Variants in ZNF730 observed in about 807,000 individuals in gnomAD.
ZNF730 encodes zinc finger protein 730, also known as putative zinc finger protein 730.
A neutral mutation model predicts 12.6 loss-of-function variants in ZNF730; 12 were observed. The observed-to-expected ratio is 0.95, with a 90% confidence interval of 0.61 to 1.54. ZNF730 has a LOEUF of 1.54. Among genes scored for constraint, ZNF730 ranks in the 40% most tolerant of loss-of-function variants. The pLI is 0.00. For missense variants in ZNF730, 643 were observed against 583.5 expected, an observed-to-expected ratio of 1.10 and a Z score of -1.05; for synonymous variants, 194 against 195.8, an observed-to-expected ratio of 0.99 and a Z score of 0.08.
chr19:23,125,259 G>A (rs905736482), intron 1 of ZNF730, among the ~76,000 whole-genome samples: 1 of 152,112 alleles, frequency 6.6e-6, no homozygotes, highest in Non-Finnish European at 1.5e-5. Flanking sequence ...GTTACCAGTA[G>A]AGCCGGGCAT....
chr19:23,095,089 T>G (rs1970226146), intron 1 of ZNF730: 2 of 326,592 alleles, frequency 6.1e-6, no homozygotes, highest in Non-Finnish European at 1.1e-5. Flanking sequence ...CCAGAGGGAT[T>G]TGATGCTCCT....
intron 1 of ZNF730, among the ~76,000 whole-genome samples, chr19:23,120,247 G>C (rs1599589405): frequency 6.6e-6 from 1 of 151,988 alleles, no homozygotes; most frequent in Admixed American, 6.6e-5. Flanking sequence ...CTCCCACCTC[G>C]GCTTCCCAAA....
At chr19:23,087,356 C>T (rs527872508) in intron 1 of ZNF730, among the ~76,000 whole-genome samples, 1 of 151,984 alleles carries the variant, frequency 6.6e-6, no homozygotes, top group South Asian at 2.1e-4. Context: ...TGCAGTGAGT[C>T]GAGATCGCAC....
intron 1 of ZNF730, among the ~76,000 whole-genome samples, chr19:23,088,121 CA>C (rs1568301238): frequency 6.6e-6 from 1 of 151,704 alleles, no homozygotes. Context: ...CGGGTTCAAG[CA>C]ATTCTCCCTG....
intron 1 of ZNF730, among the ~76,000 whole-genome samples, chr19:23,081,924 T>C (rs974119368): frequency 2.0e-5 from 3 of 152,140 alleles, no homozygotes; most frequent in African/African-American, 7.2e-5. Context: ...TGTCTATTTA[T>C]TTTTTGTAGA....
At position 23,146,555 on chromosome 19, in the gene ZNF730, A is replaced by C. The variant is rs1472276659; in HGVS notation, c.1511A>C (p.Ter504SerextTer76). 6.3e-7 allele frequency: 1 copy of C among 1,583,492 alleles called. No individual in the cohort carries two copies. Among genetic ancestry groups the C allele is most frequent in the South Asian group, 1.1e-5 (1 of 87,520 alleles). Reference sequence around the variant, plus strand: ...ACTAGGCATAAGACAATTCATACATAAAATTGTAAAGACTGTGGCAAAGCT... The same window carrying C: ...ACTAGGCATAAGACAATTCATACATCAAATTGTAAAGACTGTGGCAAAGCT... The part of the protein sequence containing the change: ...HLTRHKTIHT[*>S] The change falls in exon 4 of 4, where the codon TAA (stop) becomes TCA (serine). Residue 504 changes from the stop codon to serine, a stop_lost. Coordinates refer to ENST00000597761, the MANE Select transcript of ZNF730 (RefSeq NM_001277403.2).
chr19:23,136,569 A>G (rs975135223), intron 3 of ZNF730, among the ~76,000 whole-genome samples: 3 of 152,050 alleles, frequency 2.0e-5, no homozygotes, highest in African/African-American at 7.2e-5. Context: ...CACACCCAGC[A>G]AATTAAACTA....
chr19:23,104,293 C>T (rs1453377303), intron 1 of ZNF730, among the ~76,000 whole-genome samples: 2 of 114,666 alleles, frequency 1.7e-5, no homozygotes, highest in East Asian at 5.7e-4. Context: ...CAGAGAGAGA[C>T]TCCATCTCAA....
chr19:23,125,597 T>G (rs940578066), intron 1 of ZNF730: 1 of 152,206 alleles, frequency 6.6e-6, no homozygotes, highest in Non-Finnish European at 1.5e-5. Flanking sequence ...TTAGGTTATC[T>G]GGCAGAAGAA....
chr19:23,121,238 A>G (rs1970594261), intron 1 of ZNF730, among the ~76,000 whole-genome samples: 1 of 152,066 alleles, frequency 6.6e-6, no homozygotes, highest in South Asian at 2.1e-4. Flanking sequence ...TTTAGTTCTG[A>G]TATCTTTGTT....
intron 1 of ZNF730, among the ~76,000 whole-genome samples, chr19:23,087,672 A>G (rs1022965462): frequency 1.8e-4 from 27 of 149,314 alleles, no homozygotes; most frequent in Non-Finnish European, 3.3e-4. Flanking sequence ...CTGGAGTGCA[A>G]TGGCATGATC....
intron 1 of ZNF730, among the ~76,000 whole-genome samples, chr19:23,088,501 C>T (rs1388455117): frequency 1.3e-5 from 2 of 152,028 alleles, no homozygotes; most frequent in East Asian, 3.9e-4. Flanking sequence ...CACTCTGTCT[C>T]TCCAGCACCT....
chr19:23,129,880 G>A (rs1408396343), intron 1 of ZNF730, among the ~76,000 whole-genome samples: 1 of 151,754 alleles, frequency 6.6e-6, no homozygotes, highest in Admixed American at 6.6e-5. Context: ...TGTAGTCCCA[G>A]CTACTCAGGA....
Position 23,146,589 on chromosome 19 carries a change from A to C in ZNF730, c.*33A>C, listed in dbSNP as rs747974001. On this transcript the variant is annotated 3_prime_UTR_variant, in exon 4 of 4. Transcript: ENST00000597761. ...AAGACTGTGGCAAAGCTTTTAAACA[A>C]TCTTTATACCTTACTACACATAAGA... The C allele has an allele frequency of 1.3e-6, 2 of 1,583,124 alleles. No homozygotes were observed. The highest frequency in any genetic ancestry group is 2.2e-5 in the South Asian group (2 of 89,278).
intron 3 of ZNF730, among the ~76,000 whole-genome samples, chr19:23,142,055 GAAAC>G (rs1182952231): frequency 2.0e-5 from 3 of 151,976 alleles, no homozygotes; most frequent in Admixed American, 6.6e-5. Flanking sequence ...TACACACACA[GAAAC>G]AAACACACAC....
In ZNF730 at chr19:23,083,630, G is replaced by A. The variant is rs77665784; in HGVS notation, c.-94+8243G>A. 9.1e-3 allele frequency among the ~76,000 whole-genome samples: 1,365 copies of A among 150,398 alleles called. 28 individuals are homozygous for A. Among genetic ancestry groups the A allele is most frequent in the African/African-American group, 0.032 (1,309 of 40,906 alleles). On this transcript the variant is annotated intron_variant, in intron 1 of 2. Transcript: ENST00000593635. Reference sequence around the variant, plus strand: ...TTTTAAGTATAGCCATTCTAATAGCGTTAGGTTGTATATTATTGTAGTTTG... The same window carrying A: ...TTTTAAGTATAGCCATTCTAATAGCATTAGGTTGTATATTATTGTAGTTTG...
At chr19:23,101,227 A>ATAAACACATCTCACTG (rs143203450) in intron 1 of ZNF730, among the ~76,000 whole-genome samples, 149,523 of 152,250 alleles carry the variant, frequency 0.98, 73,461 homozygotes, top group East Asian at 1. Flanking sequence ...ATTCTCCCAT[A>ATAAACACATCTCACTG]TTGAGGTTCT....
intron 3 of ZNF730, among the ~76,000 whole-genome samples, chr19:23,144,483 A>C (rs904453480): frequency 6.6e-6 from 1 of 151,970 alleles, no homozygotes; most frequent in Non-Finnish European, 1.5e-5. Flanking sequence ...GACATATCAC[A>C]AGGTCAAGAG....
chr19:23,146,024 T>C lies in ZNF730; in HGVS notation c.980T>C (p.Leu327Pro), dbSNP rs1971003148. 4 of 1,608,868 alleles carry C rather than the reference T, an allele frequency of 2.5e-6. No homozygotes were observed. Among genetic ancestry groups the C allele is most frequent in the Non-Finnish European group, 3.4e-6 (4 of 1,178,526 alleles). The part of the protein sequence containing the change: ...CGKAFKWSST[L>P]TKHKRIHNGE... Reference sequence around the variant, plus strand: ...AAAGCTTTTAAGTGGTCCTCAACCCTTACAAAACATAAAAGAATTCATAAT... The same window carrying C: ...AAAGCTTTTAAGTGGTCCTCAACCCCTACAAAACATAAAAGAATTCATAAT... The change falls in exon 4 of 4, where the codon CTT (leucine) becomes CCT (proline). Residue 327 changes from leucine to proline, a missense_variant. By Grantham distance (98) the Leu-to-Pro change is moderately conservative. Transcript: ENST00000597761.
Sources: gnomAD v4.1 joint callset for allele counts (sites outside exome capture counted in the v4.1 genomes callset) on GRCh38, gnomAD v4.1.1 for gene constraint, MANE v1.5 for transcripts, NCBI Gene and HGNC (gene_info 2026-07-23, HGNC 2026-07-21) for gene names.